Variants in PREX2 observed in about 807,000 individuals in gnomAD.
PREX2 encodes the protein phosphatidylinositol-3,4,5-trisphosphate dependent Rac exchange factor 2.
Under a neutral mutation model 203.2 loss-of-function variants are expected in PREX2, and 107 were observed. The observed-to-expected ratio is 0.53, with a 90% CI of 0.45 to 0.62. The LOEUF (loss-of-function observed/expected upper bound fraction) is 0.62. Among genes scored for constraint, PREX2 ranks in the 20% least tolerant of loss-of-function variants. The probability of loss-of-function intolerance (pLI) is 0.00; values close to 1 mark genes in which losing one functional copy is unlikely to be tolerated. For synonymous variants in PREX2, 672 were observed against 663.6 expected, an observed-to-expected ratio of 1.01 and a Z score of -0.19; for missense variants, 1,777 against 1,955.9, an observed-to-expected ratio of 0.91 and a Z score of 1.72.
chr8:68,119,363 A>G, intron 27 of PREX2, 69 bp from the exon 28 acceptor site: 3 of 934,084 alleles, frequency 3.2e-6, no homozygotes, highest in Non-Finnish European at 3.5e-6. Flanking sequence ...GAATATTACA[A>G]TATTTTGGTA....
At chr8:68,204,344 T>A (rs532651920) in intron 37 of PREX2, among the ~76,000 whole-genome samples, 2 of 152,302 alleles carry the variant, frequency 1.3e-5, no homozygotes, top group East Asian at 3.9e-4. Context: ...ATGTTTTTGC[T>A]TGGCAGTTGA....
intron 1 of PREX2, among the ~76,000 whole-genome samples, chr8:67,968,723 C>T (rs1337258523): frequency 1.3e-5 from 2 of 152,204 alleles, no homozygotes; most frequent in South Asian, 2.1e-4. Context: ...GACCTGTCTG[C>T]CTGATTGTTT....
At position 68,192,648 on chromosome 8, in the gene PREX2, A is replaced by G. The variant is rs570741384; in HGVS notation, c.4604+123A>G. ...CATTCAAAGACTCAGGTGTATTTGG[A>G]ATAAGATTTTGGACGTTTTCTGGTT... On this transcript the variant is annotated intron_variant, in intron 37 of 39. Transcript: ENST00000288368. 3.5e-5 allele frequency: 25 copies of G among 719,900 alleles called. No individual in the cohort carries two copies. In the African/African-American group the frequency reaches 3.7e-4, roughly 11 times the overall value. The allele number at this position is 719,900 out of a possible 1,614,324, so 44.6% of individuals were successfully genotyped here.
chr8:67,984,514 C>A (rs1251605842), intron 1 of PREX2, among the ~76,000 whole-genome samples: 1 of 152,044 alleles, frequency 6.6e-6, no homozygotes, highest in Non-Finnish European at 1.5e-5. Flanking sequence ...TTAGTACATG[C>A]CTGATTAAGG....
At chr8:68,067,521 T>C (rs995138521) in intron 11 of PREX2, among the ~76,000 whole-genome samples, 6 of 152,088 alleles carry the variant, frequency 3.9e-5, no homozygotes, top group Non-Finnish European at 8.8e-5. Context: ...GTGATCATTT[T>C]TAACATTTCT....
intron 1 of PREX2, among the ~76,000 whole-genome samples, chr8:67,958,788 G>A (rs1330441419): frequency 6.6e-6 from 1 of 152,134 alleles, no homozygotes; most frequent in Non-Finnish European, 1.5e-5. Flanking sequence ...AACATAGGAT[G>A]GGGCTAAGTC....
At chr8:68,040,778 C>A (rs1044558311) in intron 7 of PREX2, among the ~76,000 whole-genome samples, 2 of 152,142 alleles carry the variant, frequency 1.3e-5, no homozygotes, top group African/African-American at 4.8e-5. Flanking sequence ...TCCTTCAATG[C>A]AATTTCTCTG....
intron 15 of PREX2, among the ~76,000 whole-genome samples, chr8:68,079,849 A>G (rs890169662): frequency 3.3e-5 from 5 of 152,312 alleles, no homozygotes; most frequent in Admixed American, 6.5e-5. Flanking sequence ...CTTTCTAGAA[A>G]TAAGGTTATT....
intron 34 of PREX2, among the ~76,000 whole-genome samples, chr8:68,146,817 T>C (rs1475204757): frequency 6.6e-6 from 1 of 152,210 alleles, no homozygotes; most frequent in East Asian, 1.9e-4. Flanking sequence ...ATTGATGCTT[T>C]TAAAATTCTT....
chr8:68,138,055 T>C (rs1338313591), intron 32 of PREX2, among the ~76,000 whole-genome samples: 1 of 152,248 alleles, frequency 6.6e-6, no homozygotes, highest in African/African-American at 2.4e-5. Context: ...TTTCAGATGT[T>C]ATAAGATTTT....
Position 68,083,223 on chromosome 8 carries a change from T to G in PREX2, c.1879-17T>G. Reference sequence around the variant, plus strand: ...TTAAAATATACTTTGACTTATTTTTTGTAATTTCTCTCTTAGATGGCTGGC... The same window carrying G: ...TTAAAATATACTTTGACTTATTTTTGGTAATTTCTCTCTTAGATGGCTGGC... On this transcript the variant is annotated splice_polypyrimidine_tract_variant and intron_variant, in intron 17 of 39. Coordinates refer to ENST00000288368, the MANE Select transcript of PREX2 (RefSeq NM_024870.4). 1 of 1,552,888 alleles carries G rather than the reference T, an allele frequency of 6.4e-7. No individual in the cohort carries two copies. The highest frequency in any genetic ancestry group is 2.3e-5 in the East Asian group (1 of 44,246).
At chr8:68,024,255 A>G (rs758330108) in intron 4 of PREX2, among the ~76,000 whole-genome samples, 2 of 152,070 alleles carry the variant, frequency 1.3e-5, no homozygotes, top group African/African-American at 2.4e-5. Flanking sequence ...ATATTGTTTA[A>G]TGATTCAATT....
intron 38 of PREX2, among the ~76,000 whole-genome samples, chr8:68,219,591 C>T (rs1330254244): frequency 2.0e-5 from 3 of 152,122 alleles, no homozygotes. Flanking sequence ...GTTATTTGTT[C>T]CTCTGCCCCA....
chr8:68,160,774 T>G (rs1359514615), intron 35 of PREX2, among the ~76,000 whole-genome samples: 1 of 152,168 alleles, frequency 6.6e-6, no homozygotes, highest in Non-Finnish European at 1.5e-5. Flanking sequence ...TATTCTTTGA[T>G]AGAGAGAAGA....
chr8:68,195,426 A>G (rs1179922657), intron 37 of PREX2, among the ~76,000 whole-genome samples: 2 of 152,264 alleles, frequency 1.3e-5, no homozygotes, highest in Non-Finnish European at 2.9e-5. Context: ...AACTATTTGA[A>G]AATTGTATAG....
At chr8:68,097,883 T>C (rs1207945725) in intron 22 of PREX2, among the ~76,000 whole-genome samples, 1 of 152,220 alleles carries the variant, frequency 6.6e-6, no homozygotes, top group Non-Finnish European at 1.5e-5. Context: ...GTATTCAAAG[T>C]CGTGAAATAC....
At chr8:68,199,182 C>G (rs370283624) in intron 37 of PREX2, among the ~76,000 whole-genome samples, 53 of 152,188 alleles carry the variant, frequency 3.5e-4, no homozygotes, top group Middle Eastern at 3.4e-3. Context: ...TCATAAATAT[C>G]CTGTGTGCAG....
In PREX2 at chr8:67,999,359, G is replaced by A. The variant is rs1484421563; in HGVS notation, c.142-18487G>A. Among the ~76,000 whole-genome samples, 6 of 151,008 alleles carry A rather than the reference G, an allele frequency of 4.0e-5. No individual in the cohort carries two copies. In the Admixed American group the frequency reaches 4.0e-4, roughly 10 times the overall value. ...TGAATGTGAACTAGAAAAACTAGAA[G>A]AGATGGATAAATTCTTGGACACACC... On this transcript the variant is annotated intron_variant, in intron 1 of 39. Coordinates refer to ENST00000288368, the MANE Select transcript of PREX2 (RefSeq NM_024870.4).
intron 38 of PREX2, 97 bp from the exon 39 acceptor site, chr8:68,224,462 A>G (rs1268419710): frequency 4.4e-6 from 4 of 913,010 alleles, no homozygotes; most frequent in Non-Finnish European, 7.2e-6. Flanking sequence ...GATGTTAAAG[A>G]CATTGTTTGA....
Sources: allele counts gnomAD v4.1 joint callset (sites outside exome capture counted in the v4.1 genomes callset), GRCh38; gene constraint gnomAD v4.1.1; transcripts MANE v1.5; gene names NCBI Gene and HGNC (gene_info 2026-07-23, HGNC 2026-07-21).